Variants in KIZ observed in about 807,000 individuals in gnomAD.
The protein encoded by KIZ is centrosomal protein kizuna.
Under a neutral mutation model 79.6 loss-of-function variants are expected in KIZ, and 68 were observed. That is an observed-to-expected ratio of 0.85 (90% CI 0.70 to 1.05). The LOEUF (loss-of-function observed/expected upper bound fraction) is 1.05. KIZ is among the 50% of genes least tolerant of loss of function. The pLI is 0.00. For missense variants in KIZ, 797 were observed against 800.4 expected (o/e 1.00, Z 0.05); for synonymous variants, 280 against 281.8 (o/e 0.99, Z 0.06).
rs186888659 is a variant in KIZ, at chr20:21,182,012, C to T, written c.1352+18853C>T. Among the ~76,000 whole-genome samples the T allele has an allele frequency of 9.8e-5, 15 of 152,316 alleles. No individual in the cohort carries two copies. The East Asian group carries it at 2.7e-3, about 27-fold the overall frequency. On this transcript the variant is annotated intron_variant, in intron 6 of 12. Transcript: ENST00000619189. ...TTCCATTTCCCTGCTCTGACATCCT[C>T]AGTGTTGACCTCTTCCTACAGCCAG... is the stretch of plus-strand genomic sequence containing the variant.
At chr20:21,173,126 A>G (rs2034286150) in intron 6 of KIZ, among the ~76,000 whole-genome samples, 1 of 152,212 alleles carries the variant, frequency 6.6e-6, no homozygotes, top group South Asian at 2.1e-4. Context: ...CACTCTGGCC[A>G]CTTATGGAAA....
chr20:21,204,994 C>A (rs923795581), intron 6 of KIZ, among the ~76,000 whole-genome samples: 1 of 152,098 alleles, frequency 6.6e-6, no homozygotes, highest in African/African-American at 2.4e-5. Flanking sequence ...TCCCACTGAC[C>A]AGACCAGGCG....
At chr20:21,213,138 T>A (rs1392497501) in intron 7 of KIZ, among the ~76,000 whole-genome samples, 1 of 152,124 alleles carries the variant, frequency 6.6e-6, no homozygotes, top group Non-Finnish European at 1.5e-5. Flanking sequence ...CAGCCAGTAC[T>A]AGGGAGGGAA....
At chr20:21,151,943 G>A (rs2033142009) in intron 4 of KIZ, 1 of 152,232 alleles carries the variant, frequency 6.6e-6, no homozygotes, top group Admixed American at 6.5e-5. Flanking sequence ...AGGAGAGGCT[G>A]AGCTAGGGAG....
In KIZ at chr20:21,205,575, CAAA is replaced by C; in HGVS notation, c.1438_1440del (p.Lys480del). On this transcript the variant is annotated inframe_deletion, in exon 7 of 13. Coordinates refer to ENST00000619189, the MANE Select transcript of KIZ (RefSeq NM_018474.6). ...CCTTGAAAGAACATGATAATTCTGTCAAAGAAGAGGTAGGTAGCTAAACTGTCT... is the reference window on the plus strand; with the variant it reads ...CCTTGAAAGAACATGATAATTCTGTCGAAGAGGTAGGTAGCTAAACTGTCT... 1 of 1,484,606 alleles carries C rather than the reference CAAA, an allele frequency of 6.7e-7. No homozygotes were observed. The highest frequency in any genetic ancestry group is 9.3e-7 in the Non-Finnish European group (1 of 1,079,460). 92.0% of individuals were successfully genotyped at this position (1,484,606 alleles called of 1,614,324 possible).
chr20:21,221,992 G>A (rs1273560114), intron 9 of KIZ, among the ~76,000 whole-genome samples: 2 of 152,310 alleles, frequency 1.3e-5, no homozygotes, highest in Admixed American at 1.3e-4. Flanking sequence ...GAAACCCCCA[G>A]CTTGTGCAAA....
chr20:21,130,878 A>G (rs1004335728), intron 1 of KIZ, among the ~76,000 whole-genome samples: 2 of 152,260 alleles, frequency 1.3e-5, no homozygotes, highest in Admixed American at 1.3e-4. Flanking sequence ...AGAAACTGAT[A>G]ATTAAGAGCT....
intron 4 of KIZ, among the ~76,000 whole-genome samples, chr20:21,150,021 C>T (rs192110741): frequency 7.8e-4 from 119 of 152,292 alleles, no homozygotes; most frequent in Admixed American, 1.6e-3. Context: ...GGTTATCACT[C>T]ATAGCACCTG....
At chr20:21,191,941 G>A (rs999274552) in intron 6 of KIZ, among the ~76,000 whole-genome samples, 3 of 151,984 alleles carry the variant, frequency 2.0e-5, no homozygotes, top group African/African-American at 4.8e-5. Flanking sequence ...CTCCCTTATC[G>A]AGAATGTTTT....
chr20:21,150,538 G>A (rs1220864045), intron 4 of KIZ, among the ~76,000 whole-genome samples: 2 of 152,174 alleles, frequency 1.3e-5, no homozygotes, highest in Non-Finnish European at 2.9e-5. Context: ...ACAGAGCCAT[G>A]ACAAGTCAAA....
At chr20:21,227,204 G>T (rs1416340255) in intron 9 of KIZ, among the ~76,000 whole-genome samples, 1 of 152,074 alleles carries the variant, frequency 6.6e-6, no homozygotes, top group Non-Finnish European at 1.5e-5. Context: ...ATTACCTCAG[G>T]ACTACTAGCT....
chr20:21,243,458 G>C (rs927104974), intron 11 of KIZ, among the ~76,000 whole-genome samples: 4 of 152,172 alleles, frequency 2.6e-5, no homozygotes, highest in African/African-American at 9.7e-5. Context: ...GGTGGTGCGT[G>C]GGGTAGGGCA....
At chr20:21,159,678 T>G (rs140004889) in intron 4 of KIZ, among the ~76,000 whole-genome samples, 2 of 152,380 alleles carry the variant, frequency 1.3e-5, no homozygotes, top group African/African-American at 4.8e-5. Context: ...TCATCCATGA[T>G]GTAACAGGTA....
intron 6 of KIZ, among the ~76,000 whole-genome samples, chr20:21,170,178 ATG>A (rs749830909): frequency 1.3e-5 from 2 of 152,140 alleles, no homozygotes; most frequent in African/African-American, 4.8e-5. Context: ...TAGTAGGTAT[ATG>A]TATCTATTTA....
At chr20:21,136,234 A>G (rs1320702729) in intron 2 of KIZ, among the ~76,000 whole-genome samples, 156 bp from the exon 3 acceptor site, 1 of 152,088 alleles carries the variant, frequency 6.6e-6, no homozygotes, top group Non-Finnish European at 1.5e-5. Flanking sequence ...TCTCTCTCCA[A>G]AAATGTGTAT....
In KIZ at chr20:21,162,197, TGAG is replaced by T. The variant is rs376909474; in HGVS notation, c.738_740del (p.Glu247del). 1 of 1,612,808 alleles carries T rather than the reference TGAG, an allele frequency of 6.2e-7. No homozygotes were observed. The highest frequency in any genetic ancestry group is 8.5e-7 in the Non-Finnish European group (1 of 1,179,654). On this transcript the variant is annotated inframe_deletion, in exon 5 of 13. Transcript: ENST00000619189. ...TGCCAGTCACAGCCAGTGTATTGTC[TGAG>T]GAGGAACAAACTCATTGCTTGGAGA...
At chr20:21,223,251 C>T (rs966523893) in intron 9 of KIZ, among the ~76,000 whole-genome samples, 5 of 152,268 alleles carry the variant, frequency 3.3e-5, no homozygotes, top group Admixed American at 6.5e-5. Flanking sequence ...AATGGCAAGA[C>T]GCAAAAGTGT....
At chr20:21,210,313 A>G (rs1244052968) in intron 7 of KIZ, among the ~76,000 whole-genome samples, 1 of 152,106 alleles carries the variant, frequency 6.6e-6, no homozygotes, top group Non-Finnish European at 1.5e-5. Context: ...GTCTTTAATA[A>G]TAATAATAAT....
At chr20:21,226,818 A>G (rs2036670743) in intron 9 of KIZ, among the ~76,000 whole-genome samples, 1 of 152,136 alleles carries the variant, frequency 6.6e-6, no homozygotes, top group African/African-American at 2.4e-5. Context: ...CTGCATCCCA[A>G]ATAAAAACTG....
Sources: allele counts gnomAD v4.1 joint callset (sites outside exome capture counted in the v4.1 genomes callset), GRCh38; gene constraint gnomAD v4.1.1; transcripts MANE v1.5; gene names NCBI Gene and HGNC (gene_info 2026-07-23, HGNC 2026-07-21).